Variants in NIPBL observed in about 807,000 individuals in gnomAD.
NIPBL encodes the protein NIPBL cohesin loading factor, also known as nipped-B-like protein.
Under a neutral mutation model 321.8 loss-of-function variants are expected in NIPBL, and 19 were observed. The observed-to-expected ratio is 0.06, with a 90% CI of 0.04 to 0.09. NIPBL has a LOEUF of 0.09. Ranked by LOEUF, NIPBL falls within the 10% of genes least tolerant of loss-of-function variation. NIPBL has a pLI of 1.00. For synonymous variants in NIPBL, 1,106 were observed against 1,114.1 expected, an observed-to-expected ratio of 0.99 and a Z score of 0.14; for missense variants, 2,210 against 3,327.0, an observed-to-expected ratio of 0.66 and a Z score of 8.26.
intron 10 of NIPBL, 148 bp downstream of exon 10, chr5:36,986,449 G>T: frequency 5.4e-6 from 3 of 560,186 alleles, no homozygotes; most frequent in Non-Finnish European, 5.5e-6. Flanking sequence ...TTTTTTTCAG[G>T]AGTATAGATA....
chr5:36,965,657 G>A (rs1742122534), intron 6 of NIPBL, among the ~76,000 whole-genome samples: 1 of 152,066 alleles, frequency 6.6e-6, no homozygotes, highest in South Asian at 2.1e-4. Context: ...AAAATAGCTG[G>A]AAGAAGATAA....
At chr5:36,930,308 A>C (rs1329452920) in intron 1 of NIPBL, among the ~76,000 whole-genome samples, 1 of 152,078 alleles carries the variant, frequency 6.6e-6, no homozygotes, top group African/African-American at 2.4e-5. Context: ...AATATTCTTC[A>C]TGGTCCTAGT....
chr5:37,004,493 C>A (rs183675017), intron 16 of NIPBL, among the ~76,000 whole-genome samples: 138 of 151,782 alleles, frequency 9.1e-4, no homozygotes, highest in Non-Finnish European at 1.5e-3. Context: ...TAGTCTGGAA[C>A]TACTGGGCTC....
At chr5:36,928,881 TATG>T (rs1332732756) in intron 1 of NIPBL, among the ~76,000 whole-genome samples, 2 of 152,218 alleles carry the variant, frequency 1.3e-5, no homozygotes, top group South Asian at 2.1e-4. Context: ...TTCATTGTAT[TATG>T]ATATTTTGTT....
rs1465930537 is a variant in NIPBL, at chr5:36,934,681, A to G, written c.-79-18937A>G. ...AAATGATTGTCACATTGACACATTCATACATTGGTACTGTAAGAATTTGTA... is the reference window on the plus strand; with the variant it reads ...AAATGATTGTCACATTGACACATTCGTACATTGGTACTGTAAGAATTTGTA... On this transcript the variant is annotated intron_variant, in intron 1 of 46. Transcript: ENST00000282516. Among the ~76,000 whole-genome samples, 4 of 152,328 alleles carry G rather than the reference A, an allele frequency of 2.6e-5. No homozygotes were observed. In the East Asian group the frequency reaches 5.8e-4, roughly 22 times the overall value.
intron 34 of NIPBL, among the ~76,000 whole-genome samples, chr5:37,042,879 G>C (rs990241626): frequency 3.4e-5 from 5 of 147,814 alleles, no homozygotes; most frequent in East Asian, 2.0e-4. Flanking sequence ...TGCATTGAAA[G>C]CCTTACTACA....
chr5:37,044,216 C>A, intron 34 of NIPBL, 131 bp from the exon 35 acceptor site: 2 of 799,734 alleles, frequency 2.5e-6, no homozygotes, highest in Non-Finnish European at 3.9e-6. Flanking sequence ...AAAAAAAACT[C>A]TAACAGACTT....
intron 34 of NIPBL, among the ~76,000 whole-genome samples, chr5:37,041,230 ACTTTTTTG>A (rs1317065613): frequency 2.4e-5 from 2 of 83,100 alleles, no homozygotes; most frequent in Non-Finnish European, 4.7e-5. Context: ...AGAAAATGCT[ACTTTTTTG>A]TTGTTATGTG....
At chr5:36,938,045 C>G (rs1240780942) in intron 1 of NIPBL, among the ~76,000 whole-genome samples, 1 of 152,102 alleles carries the variant, frequency 6.6e-6, no homozygotes, top group Non-Finnish European at 1.5e-5. Flanking sequence ...ACCCCCTGCT[C>G]CTAAAGGGGC....
chr5:36,953,831 A>G (rs1166638758), intron 2 of NIPBL, 71 bp downstream of exon 2: 10 of 1,288,232 alleles, frequency 7.8e-6, no homozygotes, highest in Non-Finnish European at 1.0e-5. Flanking sequence ...TGACTGTTCT[A>G]AAAATTATTA....
Position 37,038,938 on chromosome 5 carries a change from C to T in NIPBL, c.6108+200C>T, listed in dbSNP as rs111565303. ...TTCAGGTTCCATTTTGCTGTAAACTCCTCAAGCCAAACCCTCAGTAGATGC... is the reference window on the plus strand; with the variant it reads ...TTCAGGTTCCATTTTGCTGTAAACTTCTCAAGCCAAACCCTCAGTAGATGC... On this transcript the variant is annotated intron_variant, in intron 34 of 46. Transcript: ENST00000282516. 2.0e-3 allele frequency among the ~76,000 whole-genome samples: 310 copies of T among 152,276 alleles called. 1 individual carries two copies. Among genetic ancestry groups the T allele is most frequent in the Non-Finnish European group, 3.6e-3 (247 of 67,998 alleles).
At chr5:36,943,734 C>A (rs1561058912) in intron 1 of NIPBL, among the ~76,000 whole-genome samples, 1 of 152,052 alleles carries the variant, frequency 6.6e-6, no homozygotes, top group Admixed American at 6.6e-5. Flanking sequence ...ATGAGTTCAA[C>A]AGTAGAGTAC....
At chr5:36,963,246 AC>A (rs549384213) in intron 6 of NIPBL, among the ~76,000 whole-genome samples, 67 of 152,282 alleles carry the variant, frequency 4.4e-4, no homozygotes, top group African/African-American at 1.6e-3. Flanking sequence ...AATATAAAAA[AC>A]ATCTTTATTT....
chr5:36,888,538 T>G (rs2061861848), intron 1 of NIPBL, among the ~76,000 whole-genome samples: 1 of 152,148 alleles, frequency 6.6e-6, no homozygotes, highest in African/African-American at 2.4e-5. Flanking sequence ...ACAAGTTTAC[T>G]TAAATAACAT....
At chr5:37,045,412 AT>A in intron 36 of NIPBL, 30 bp from the exon 37 acceptor site, 1 of 1,496,844 alleles carries the variant, frequency 6.7e-7, no homozygotes, top group Non-Finnish European at 9.2e-7. Context: ...AAAGATAAAT[AT>A]TATAAGTAAA....
Position 37,048,810 on chromosome 5 carries a change from G to A in NIPBL, c.6763+135G>A, listed in dbSNP as rs999124564. On this transcript the variant is annotated intron_variant, in intron 39 of 46. Transcript: ENST00000282516. Reference sequence around the variant, plus strand: ...GTTAAATAGCAGTCCTTATGCTGAGGTCTATAGCTGGGCTTTAGCATATTC... The same window carrying A: ...GTTAAATAGCAGTCCTTATGCTGAGATCTATAGCTGGGCTTTAGCATATTC... 2.0e-5 allele frequency: 15 copies of A among 756,168 alleles called. No homozygotes were observed. The Admixed American group carries it at 4.0e-4, about 20-fold the overall frequency. The allele number at this position is 756,168 out of a possible 1,614,324, so 46.8% of individuals were successfully genotyped here. A position where few individuals can be genotyped will look rare whatever the true frequency, so the allele number is the denominator to read the frequency against.
chr5:36,877,443 C>T (rs1580122379), intron 1 of NIPBL, among the ~76,000 whole-genome samples: 1 of 152,298 alleles, frequency 6.6e-6, no homozygotes, highest in Admixed American at 6.5e-5. Flanking sequence ...GTGCAGGCCG[C>T]GGGCCAGCGG....
intron 1 of NIPBL, among the ~76,000 whole-genome samples, chr5:36,940,462 C>T (rs1738943358): frequency 6.6e-6 from 1 of 152,114 alleles, no homozygotes; most frequent in Non-Finnish European, 1.5e-5. Context: ...ACATAATCTT[C>T]TTTCCTTAGC....
chr5:36,941,353 C>A (rs745651934), intron 1 of NIPBL, among the ~76,000 whole-genome samples: 11 of 152,014 alleles, frequency 7.2e-5, no homozygotes, highest in Non-Finnish European at 1.3e-4. Context: ...TTTTACTTCA[C>A]TTTCTTAAAC....
Sources: gnomAD v4.1 joint callset for allele counts (sites outside exome capture counted in the v4.1 genomes callset) on GRCh38, gnomAD v4.1.1 for gene constraint, MANE v1.5 for transcripts, NCBI Gene and HGNC (gene_info 2026-07-23, HGNC 2026-07-21) for gene names.